POC1A: variants seen among roughly 807,000 people sequenced by gnomAD.
POC1A encodes POC1 centriolar protein homolog A.
POC1A carries 34 observed loss-of-function variants against 47.8 expected under a neutral mutation model. That is an observed-to-expected ratio of 0.71 (90% CI 0.54 to 0.95). The LOEUF is 0.95. POC1A is among the 40% of genes least tolerant of loss of function. POC1A has a pLI of 0.00. For missense variants in POC1A, 466 were observed against 528.3 expected (o/e 0.88, Z 1.16); for synonymous variants, 177 against 207.6 (o/e 0.85, Z 1.27).
chr3:52,089,838 C>G (rs1252699665), intron 10 of POC1A, among the ~76,000 whole-genome samples: 2 of 152,104 alleles, frequency 1.3e-5, no homozygotes, highest in Non-Finnish European at 2.9e-5. Context: ...ATACAGAGAG[C>G]CCCTGAGAGT....
chr3:52,149,432 G>T, intron 3 of POC1A, 43 bp from the exon 4 acceptor site: 1 of 1,578,786 alleles, frequency 6.3e-7, no homozygotes, highest in South Asian at 1.1e-5. Context: ...CCATAACAGT[G>T]ACATGAGAGC....
chr3:52,091,169 T>C (rs562475848), intron 10 of POC1A, among the ~76,000 whole-genome samples: 46 of 151,782 alleles, frequency 3.0e-4, no homozygotes, highest in South Asian at 8.4e-4. Flanking sequence ...CCAGAGGGGA[T>C]AGGGGAGGGG....
intron 7 of POC1A, among the ~76,000 whole-genome samples, chr3:52,134,688 T>G (rs1559843240): frequency 6.6e-6 from 1 of 151,978 alleles, no homozygotes; most frequent in South Asian, 2.1e-4. Flanking sequence ...AAAAGTCACA[T>G]GTACATGTGA....
intron 10 of POC1A, 113 bp from the exon 11 acceptor site, chr3:52,076,098 G>A: frequency 1.3e-6 from 1 of 753,206 alleles, no homozygotes; most frequent in Non-Finnish European, 2.4e-6. Context: ...AATGCCAGCT[G>A]GCTCTTTCCA....
intron 4 of POC1A, among the ~76,000 whole-genome samples, chr3:52,147,928 A>T (rs1175496891): frequency 1.3e-5 from 2 of 152,052 alleles, no homozygotes; most frequent in Non-Finnish European, 2.9e-5. Context: ...ATTCTTCCTG[A>T]CTTAGAGGAA....
chr3:52,123,369 T>C lies in POC1A; in HGVS notation c.883-892A>G, dbSNP rs189202025. Among the ~76,000 whole-genome samples the C allele has an allele frequency of 1.5e-3, 236 of 152,330 alleles. 2 individuals carry two copies. The highest frequency in any genetic ancestry group is 1.5e-4 in the Non-Finnish European group (10 of 68,018). ...CTTCCAGGGCCACTTCCAGGATGGC[T>C]GGCTTGGGTGTCACAAGAGAACTGG... On this transcript the variant is annotated intron_variant, in intron 8 of 10. Coordinates refer to ENST00000296484, the MANE Select transcript of POC1A (RefSeq NM_015426.5).
At chr3:52,101,923 A>T (rs1401601317) in intron 9 of POC1A, among the ~76,000 whole-genome samples, 1 of 152,236 alleles carries the variant, frequency 6.6e-6, no homozygotes, top group East Asian at 1.9e-4. Context: ...TTGGGTTGGC[A>T]GTTTTTCTTT....
chr3:52,116,296 AG>A (rs765950158), intron 9 of POC1A, among the ~76,000 whole-genome samples: 42 of 152,358 alleles, frequency 2.8e-4, no homozygotes, highest in South Asian at 2.1e-3. Context: ...GGACAAGCAC[AG>A]GAGGTGGCTG....
At chr3:52,095,842 T>C (rs1301516313) in intron 10 of POC1A, among the ~76,000 whole-genome samples, 7 of 152,216 alleles carry the variant, frequency 4.6e-5, no homozygotes. Context: ...CATGCCCCTA[T>C]TGCTGGCCAC....
At chr3:52,152,610 A>G (rs1310553768) in intron 1 of POC1A, among the ~76,000 whole-genome samples, 1 of 151,934 alleles carries the variant, frequency 6.6e-6, no homozygotes, top group East Asian at 1.9e-4. Context: ...AAATAAAATA[A>G]AAAATAAAGT....
At chr3:52,135,141 C>T (rs986406890) in intron 7 of POC1A, among the ~76,000 whole-genome samples, 2 of 152,244 alleles carry the variant, frequency 1.3e-5, no homozygotes, top group African/African-American at 4.8e-5. Context: ...ATGTGGCCTC[C>T]AGCCAGGCCC....
chr3:52,112,817 T>G (rs570983115), intron 9 of POC1A, among the ~76,000 whole-genome samples: 23 of 152,296 alleles, frequency 1.5e-4, no homozygotes, highest in African/African-American at 5.3e-4. Context: ...ATAAAGAGAC[T>G]TTCTTCTTCC....
At chr3:52,126,984 C>T (rs1468028164) in intron 7 of POC1A, among the ~76,000 whole-genome samples, 1 of 152,180 alleles carries the variant, frequency 6.6e-6, no homozygotes, top group Non-Finnish European at 1.5e-5. Context: ...GGTGCCATGT[C>T]CAAGTGCAGG....
chr3:52,141,973 C>G (rs558736615), intron 6 of POC1A, among the ~76,000 whole-genome samples: 1 of 152,346 alleles, frequency 6.6e-6, no homozygotes, highest in African/African-American at 2.4e-5. Flanking sequence ...AAAGAGACCA[C>G]CTCTCCCAGG....
intron 1 of POC1A, among the ~76,000 whole-genome samples, chr3:52,151,610 C>CAA (rs575884047): frequency 3.6e-4 from 20 of 55,700 alleles, no homozygotes; most frequent in African/African-American, 7.9e-4. Context: ...GACTCCGTCT[C>CAA]AAAAAAAAAA....
intron 6 of POC1A, among the ~76,000 whole-genome samples, chr3:52,143,846 C>T (rs781508286): frequency 7.2e-5 from 11 of 152,194 alleles, no homozygotes; most frequent in Non-Finnish European, 1.2e-4. Flanking sequence ...CCTAGCACTG[C>T]CAATCAGGCC....
chr3:52,122,153 C>T (rs1703803108), intron 9 of POC1A, among the ~76,000 whole-genome samples: 1 of 152,240 alleles, frequency 6.6e-6, no homozygotes, highest in Non-Finnish European at 1.5e-5. Flanking sequence ...CTGGGGCACC[C>T]GGCAGCTTGC....
chr3:52,145,915 C>T lies in POC1A; in HGVS notation c.610G>A (p.Ala204Thr), dbSNP rs139147068. ...DFHPSGTCIA[A>T]AGMDNTVKVW... ...TTCACTGTGTTGTCCATGCCGGCAG[C>T]GGCAATGCACGTCCCACTGGGGTGG... is the stretch of plus-strand genomic sequence containing the variant. The change falls in exon 6 of 11, where the codon GCT becomes ACT. Residue 204 changes from alanine to threonine, a missense_variant. Ala to Thr is a moderately conservative substitution (Grantham distance 58). Transcript: ENST00000296484. 2,055 of 1,613,818 alleles carry T rather than the reference C, an allele frequency of 1.3e-3. 3 individuals carry two copies. The highest frequency in any genetic ancestry group is 1.6e-3 in the Non-Finnish European group (1,866 of 1,179,826).
intron 1 of POC1A, chr3:52,151,304 G>A: frequency 3.5e-6 from 2 of 571,494 alleles, no homozygotes; most frequent in South Asian, 3.3e-5. Flanking sequence ...CATCAACTGT[G>A]GAAATGCTTC....
Sources: gnomAD v4.1 joint callset for allele counts (sites outside exome capture counted in the v4.1 genomes callset) on GRCh38, gnomAD v4.1.1 for gene constraint, MANE v1.5 for transcripts, NCBI Gene and HGNC (gene_info 2026-07-23, HGNC 2026-07-21) for gene names.